Variants in PIAS2 observed in about 807,000 individuals in gnomAD.
PIAS2 encodes protein inhibitor of activated STAT 2.
PIAS2 carries 19 observed loss-of-function variants against 69.7 expected under a neutral mutation model. The observed-to-expected ratio is 0.27, with a 90% CI of 0.19 to 0.40. PIAS2 has a LOEUF of 0.40. PIAS2 is among the 10% of genes least tolerant of loss of function. The pLI is 1.00. For synonymous variants in PIAS2, 261 were observed against 263.2 expected (o/e 0.99, Z 0.08); for missense variants, 624 against 757.0 (o/e 0.82, Z 2.06).
intron 9 of PIAS2, among the ~76,000 whole-genome samples, chr18:46,832,213 G>C (rs373534399): frequency 6.6e-6 from 1 of 151,692 alleles, no homozygotes; most frequent in South Asian, 2.1e-4. Flanking sequence ...TCGGGAGTTC[G>C]AGACCAGCCT....
At chr18:46,919,360 C>G (rs2058381516), upstream of PIAS2, among the ~76,000 whole-genome samples, 1 of 152,092 alleles carries the variant, frequency 6.6e-6, no homozygotes, top group African/African-American at 2.4e-5. Flanking sequence ...GTGGCGCATT[C>G]CTGTAATCCC....
chr18:46,863,092 C>T (rs936545167), intron 3 of PIAS2, among the ~76,000 whole-genome samples: 6 of 152,118 alleles, frequency 3.9e-5, no homozygotes, highest in Admixed American at 3.3e-4. Context: ...CTGCTCTTTA[C>T]AAATGGGTCT....
intron 2 of PIAS2, among the ~76,000 whole-genome samples, chr18:46,876,865 T>C (rs2051293948): frequency 6.6e-6 from 1 of 151,362 alleles, no homozygotes; most frequent in African/African-American, 2.4e-5. Flanking sequence ...CCCAGCTAAA[T>C]TTTTTTTTGT....
intron 11 of PIAS2, chr18:46,827,151 C>G (rs947773056): frequency 1.8e-4 from 28 of 152,012 alleles, no homozygotes; most frequent in Non-Finnish European, 1.5e-5. Flanking sequence ...ATTAGAAAAC[C>G]AAGTGGACCA....
At chr18:46,903,330 T>C (rs7240843) in intron 1 of PIAS2, among the ~76,000 whole-genome samples, 11,687 of 151,968 alleles carry the variant, frequency 0.077, 484 homozygotes, top group African/African-American at 0.1. Flanking sequence ...GACTACTATC[T>C]AGGATATACT....
chr18:46,817,586 C>T (rs2041696065), intron 12 of PIAS2: 2 of 931,196 alleles, frequency 2.1e-6, no homozygotes, highest in Non-Finnish European at 2.6e-6. Context: ...ATATTGATAC[C>T]TCATCCACGG....
chr18:46,887,684 G>A (rs2053432257), intron 2 of PIAS2, among the ~76,000 whole-genome samples: 2 of 152,036 alleles, frequency 1.3e-5, no homozygotes, highest in Admixed American at 6.6e-5. Flanking sequence ...AATATAAAAG[G>A]TTTATTTCTT....
At chr18:46,893,705 A>G (rs1022663241) in intron 1 of PIAS2, among the ~76,000 whole-genome samples, 1 of 152,206 alleles carries the variant, frequency 6.6e-6, no homozygotes, top group East Asian at 1.9e-4. Flanking sequence ...GGCCCTGTGA[A>G]AAACTTCAAG....
chr18:46,866,664 T>C lies in PIAS2; in HGVS notation c.500-2416A>G, dbSNP rs560472195. 5.6e-4 allele frequency among the ~76,000 whole-genome samples: 85 copies of C among 152,306 alleles called. 1 individual carries two copies. In the South Asian group the frequency reaches 0.017, roughly 31 times the overall value. On this transcript the variant is annotated intron_variant, in intron 2 of 13. Transcript: ENST00000585916. The stretch of plus-strand genomic sequence containing the variant: ...AAAAGACTGTTGACAGCTAAAGTGA[T>C]GGCATTGAAAGGCAGGATTTCTAAC...
chr18:46,897,050 A>G (rs1396037631), intron 1 of PIAS2, among the ~76,000 whole-genome samples: 1 of 152,192 alleles, frequency 6.6e-6, no homozygotes, highest in African/African-American at 2.4e-5. Context: ...AGAATTTTCT[A>G]TCATTGTAAA....
At chr18:46,918,247 A>G (rs1270719760), upstream of PIAS2, among the ~76,000 whole-genome samples, 1 of 152,176 alleles carries the variant, frequency 6.6e-6, no homozygotes, top group Non-Finnish European at 1.5e-5. Flanking sequence ...ATGCTGAGTC[A>G]AGATGGCCAG....
chr18:46,830,712 C>T (rs2043486947), intron 9 of PIAS2, among the ~76,000 whole-genome samples: 1 of 151,990 alleles, frequency 6.6e-6, no homozygotes, highest in African/African-American at 2.4e-5. Context: ...TCTAAGAAGC[C>T]CTATGTCTAT....
chr18:46,849,061 G>GA (rs2046585573), intron 5 of PIAS2, among the ~76,000 whole-genome samples: 1 of 152,092 alleles, frequency 6.6e-6, no homozygotes, highest in African/African-American at 2.4e-5. Flanking sequence ...TAATGTTACA[G>GA]GGTCTGTCAG....
chr18:46,918,201 G>A (rs990726277), upstream of PIAS2, among the ~76,000 whole-genome samples: 1 of 151,910 alleles, frequency 6.6e-6, no homozygotes, highest in African/African-American at 2.4e-5. Flanking sequence ...AAGCTTGATG[G>A]CCCCCCCGTA....
chr18:46,913,323 G>C (rs535636046), intron 1 of PIAS2, among the ~76,000 whole-genome samples: 54 of 152,204 alleles, frequency 3.5e-4, no homozygotes, highest in Middle Eastern at 3.4e-3. Context: ...AATTACTTAG[G>C]CTTCTTAGCA....
At chr18:46,833,944 G>A (rs2145052290) in intron 9 of PIAS2, among the ~76,000 whole-genome samples, 1 of 152,160 alleles carries the variant, frequency 6.6e-6, no homozygotes. Context: ...ATTCCCTACT[G>A]TAAAGTTCCT....
chr18:46,909,515 T>C (rs1325428696), intron 1 of PIAS2, among the ~76,000 whole-genome samples: 1 of 152,210 alleles, frequency 6.6e-6, no homozygotes, highest in Non-Finnish European at 1.5e-5. Context: ...CCCAAAGTGC[T>C]AGGATTACAG....
At chr18:46,889,808 A>C (rs908921605) in intron 2 of PIAS2, among the ~76,000 whole-genome samples, 1 of 152,246 alleles carries the variant, frequency 6.6e-6, no homozygotes, top group Non-Finnish European at 1.5e-5. Context: ...AATAGCTAAA[A>C]TGTGGGAGCA....
chr18:46,920,087 G>A, upstream of PIAS2: 1 of 1,289,668 alleles, frequency 7.8e-7, no homozygotes, highest in Non-Finnish European at 1.0e-6. Context: ...TTGCTTCCCA[G>A]CATTCATTCT....
Sources: gnomAD v4.1 joint callset for allele counts (sites outside exome capture counted in the v4.1 genomes callset) on GRCh38, gnomAD v4.1.1 for gene constraint, MANE v1.5 for transcripts, NCBI Gene and HGNC (gene_info 2026-07-23, HGNC 2026-07-21) for gene names.